The following GGA1 variants were observed in gnomAD, a reference collection of about 807,000 sequenced individuals.
GGA1 encodes the protein ADP-ribosylation factor-binding protein GGA1.
In GGA1, 18 loss-of-function variants were observed where a neutral mutation model predicts 76.9. That is an observed-to-expected ratio of 0.23 (90% CI 0.16 to 0.35). GGA1 has a LOEUF of 0.35. Among genes scored for constraint, GGA1 ranks in the 10% least tolerant of loss-of-function variants. The pLI, the probability that GGA1 is intolerant of heterozygous loss-of-function variation, is 1.00. For missense variants in GGA1, 755 were observed against 859.0 expected, an observed-to-expected ratio of 0.88 and a Z score of 1.51; for synonymous variants, 342 against 354.7, an observed-to-expected ratio of 0.96 and a Z score of 0.40.
At position 37,630,665 on chromosome 22, in the gene GGA1, C is replaced by G. The variant is rs1359974903; in HGVS notation, c.1332-238C>G. On this transcript the variant is annotated intron_variant, in intron 13 of 16. Transcript: ENST00000343632. The stretch of plus-strand genomic sequence containing the variant: ...CACTGCAACCTCCATCTCCCAAACT[C>G]AAGCGATTCTCCTACGTCAGGCTCC... 9.3e-6 allele frequency: 5 copies of G among 537,350 alleles called. No individual in the cohort carries two copies. The Admixed American group carries it at 1.9e-4, about 20-fold the overall frequency. The allele number at this position is 537,350 out of a possible 1,614,324, so 33.3% of individuals were successfully genotyped here. A position where few individuals can be genotyped will look rare whatever the true frequency, so the allele number is the denominator to read the frequency against.
chr22:37,615,135 G>C (rs939123698), intron 2 of GGA1, among the ~76,000 whole-genome samples: 2 of 151,190 alleles, frequency 1.3e-5, no homozygotes, highest in African/African-American at 4.9e-5. Context: ...AACATAGCGA[G>C]ACATCATCTC....
intron 1 of GGA1, 61 bp downstream of exon 1, chr22:37,608,964 C>T: frequency 7.5e-7 from 1 of 1,336,132 alleles, no homozygotes; most frequent in Non-Finnish European, 9.6e-7. Flanking sequence ...CGAGGCGGGC[C>T]CCTTCCCGGC....
At chr22:37,619,007 C>T (rs1929335729) in intron 4 of GGA1, among the ~76,000 whole-genome samples, 1 of 152,200 alleles carries the variant, frequency 6.6e-6, no homozygotes, top group African/African-American at 2.4e-5. Context: ...AGCCTGCTGG[C>T]TCCAGACGGG....
In GGA1 at chr22:37,621,601, C is replaced by T. The variant is rs760046335; in HGVS notation, c.529-15C>T. On this transcript the variant is annotated splice_polypyrimidine_tract_variant and intron_variant, in intron 6 of 16. Coordinates refer to ENST00000343632, the MANE Select transcript of GGA1 (RefSeq NM_013365.5). ...CAGGTGCTGCCCTCACGGTCACACC[C>T]CTCTGTCTCTGCAGATGCTGGCCCG... is the stretch of plus-strand genomic sequence containing the variant. 34 of 1,540,162 alleles carry T rather than the reference C, an allele frequency of 2.2e-5. No individual in the cohort carries two copies. The highest frequency in any genetic ancestry group is 9.8e-5 in the Admixed American group (5 of 50,956).
At position 37,614,203 on chromosome 22, in the gene GGA1, C is replaced by G; in HGVS notation, c.57C>G (p.Asn19Lys). Residue 19 changes from asparagine to lysine, a missense_variant, in exon 2 of 17, where the codon AAC becomes AAG. By Grantham distance (94) the Asn-to-Lys change is moderately conservative. Coordinates refer to ENST00000343632, the MANE Select transcript of GGA1 (RefSeq NM_013365.5). ...TLEARINRAT[N>K]PLNKELDWAS... ...CTCCTCTTCCAGATAGAGCCACGAA[C>G]CCCCTGAACAAGGAGCTCGACTGGG... 2.5e-6 allele frequency: 4 copies of G among 1,612,878 alleles called. No individual in the cohort carries two copies. In the South Asian group the frequency reaches 4.4e-5, roughly 18 times the overall value.
intron 1 of GGA1, among the ~76,000 whole-genome samples, chr22:37,611,516 G>C (rs564913556): frequency 6.6e-6 from 1 of 152,196 alleles, no homozygotes; most frequent in South Asian, 2.1e-4. Flanking sequence ...AGGAGGGCAG[G>C]GATTTTGTCT....
At chr22:37,609,913 T>A (rs569206910) in intron 1 of GGA1, among the ~76,000 whole-genome samples, 8 of 152,326 alleles carry the variant, frequency 5.3e-5, no homozygotes, top group Admixed American at 3.9e-4. Context: ...TAAGCCAGGC[T>A]TGAGCAGAGT....
intron 3 of GGA1, chr22:37,617,365 C>G (rs1232266086): frequency 5.3e-6 from 6 of 1,133,520 alleles, no homozygotes; most frequent in Non-Finnish European, 6.5e-6. Flanking sequence ...CAGAGATCTG[C>G]ACGTTTGTAA....
chr22:37,625,181 G>A lies in GGA1; in HGVS notation c.940+105G>A. 9.4e-7 allele frequency: 1 copy of A among 1,060,764 alleles called. No homozygotes were observed. Among genetic ancestry groups the A allele is most frequent in the Non-Finnish European group, 1.4e-6 (1 of 718,054 alleles). The allele number at this position is 1,060,764 out of a possible 1,614,324, so 65.7% of individuals were successfully genotyped here. ...CAGAGCGGCTGGAATGACTGCCAGG[G>A]TGACCCTGGCCCCTTAAGATGGGGA... On this transcript the variant is annotated intron_variant, in intron 10 of 16. Coordinates refer to ENST00000343632, the MANE Select transcript of GGA1 (RefSeq NM_013365.5). This position sits in a 1 kb window ranked among gnomAD's most constrained non-coding sequence, Gnocchi z 4.1.
At chr22:37,620,408 C>A (rs771565608) in intron 5 of GGA1, 47 bp downstream of exon 5, 39 of 1,606,082 alleles carry the variant, frequency 2.4e-5, no homozygotes, top group Non-Finnish European at 3.2e-5. Context: ...GCCTTCCCCT[C>A]CCCCACCATG....
intron 11 of GGA1, 139 bp downstream of exon 11, chr22:37,626,088 TC>T (rs935571016): frequency 3.6e-6 from 2 of 552,654 alleles, no homozygotes; most frequent in Non-Finnish European, 5.8e-6. Context: ...TAGGCCCACT[TC>T]ACAACTGAGG....
chr22:37,618,906 C>A (rs1043703067), intron 4 of GGA1, among the ~76,000 whole-genome samples: 1 of 152,194 alleles, frequency 6.6e-6, no homozygotes, highest in African/African-American at 2.4e-5. Context: ...CCACAGAACC[C>A]TACCTGGTCT....
Position 37,632,662 on chromosome 22 carries a change from T to A in GGA1, c.1871T>A (p.Met624Lys). The A allele has an allele frequency of 6.2e-7, 1 of 1,613,310 alleles. No homozygotes were observed. The highest frequency in any genetic ancestry group is 8.5e-7 in the Non-Finnish European group (1 of 1,179,500). ...ATGGGTGACCAGACCTACAACGAGA[T>A]GGGGGATGTGGACCAGTTCCCCCCA... The part of the protein sequence containing the change: ...FTMGDQTYNE[M>K]GDVDQFPPPE... Residue 624 changes from methionine to lysine, a missense_variant, in exon 17 of 17, where the codon ATG (methionine) becomes AAG (lysine). By Grantham distance (95) the Met-to-Lys change is moderately conservative. Coordinates refer to ENST00000343632, the MANE Select transcript of GGA1 (RefSeq NM_013365.5). This position sits in a 1 kb window ranked among gnomAD's most constrained non-coding sequence, Gnocchi z 5.1.
In GGA1 at chr22:37,632,056, C is replaced by G. The variant is rs1387896390; in HGVS notation, c.1589C>G (p.Ala530Gly). 1 of 1,613,564 alleles carries G rather than the reference C, an allele frequency of 6.2e-7. No individual in the cohort carries two copies. Among genetic ancestry groups the G allele is most frequent in the Non-Finnish European group, 8.5e-7 (1 of 1,179,964 alleles). ...GGCTTCCGCATCCTCTTCCATTTTG[C>G]CCGGGACCCACTGCCAGGGCGCTCC... ...QHGFRILFHF[A>G]RDPLPGRSDV... The change falls in exon 15 of 17, where the codon GCC becomes GGC. Residue 530 changes from alanine (A) to glycine (G), a missense_variant. By Grantham distance (60) the Ala-to-Gly change is moderately conservative. Coordinates refer to ENST00000343632, the MANE Select transcript of GGA1 (RefSeq NM_013365.5). The surrounding 1 kb of genome is among the most constrained non-coding windows in gnomAD (Gnocchi z 5.1).
At position 37,620,230 on chromosome 22, in the gene GGA1, C is replaced by T; in HGVS notation, c.304-8C>T. ...AGTATCAAAGGCCTCCCCACTGTGT[C>T]CCTGAAGTATCTGGGCTCTCGGACA... On this transcript the variant is annotated splice_region_variant and splice_polypyrimidine_tract_variant and intron_variant, in intron 4 of 16. Transcript: ENST00000343632. 1 of 1,613,922 alleles carries T rather than the reference C, an allele frequency of 6.2e-7. No individual in the cohort carries two copies. The highest frequency in any genetic ancestry group is 8.5e-7 in the Non-Finnish European group (1 of 1,179,882).
rs750517894 is a variant in GGA1 at position 37,629,455 on chromosome 22, C to T, written c.1094-7C>T. Reference sequence around the variant, plus strand: ...GCTCCTTCACCTCTCTCCTGCTTTCCCCTCAGGCCTCAGTGACCCCACACC... The same window carrying T: ...GCTCCTTCACCTCTCTCCTGCTTTCTCCTCAGGCCTCAGTGACCCCACACC... On this transcript the variant is annotated splice_region_variant and splice_polypyrimidine_tract_variant and intron_variant, in intron 11 of 16. Transcript: ENST00000343632. The T allele has an allele frequency of 8.8e-6, 14 of 1,589,236 alleles. No individual in the cohort carries two copies. The South Asian group carries it at 1.5e-4, about 17-fold the overall frequency.
chr22:37,622,251 G>A (rs1176339731), intron 7 of GGA1, among the ~76,000 whole-genome samples: 1 of 150,498 alleles, frequency 6.6e-6, no homozygotes, highest in African/African-American at 2.4e-5. Context: ...TATAGTTTTT[G>A]TATTTTTTTT....
intron 2 of GGA1, among the ~76,000 whole-genome samples, chr22:37,616,025 G>A (rs1054309216): frequency 7.2e-5 from 11 of 152,046 alleles, no homozygotes; most frequent in Non-Finnish European, 1.6e-4. Flanking sequence ...GTATTTTTTA[G>A]TAGAGACAGG....
chr22:37,616,042 C>G (rs954195118), intron 2 of GGA1, among the ~76,000 whole-genome samples: 9 of 152,146 alleles, frequency 5.9e-5, no homozygotes, highest in African/African-American at 1.9e-4. Flanking sequence ...CAGGGTTTCA[C>G]CGTGTTAGCC....
Sources: gnomAD v4.1 joint callset for allele counts (sites outside exome capture counted in the v4.1 genomes callset) on GRCh38, gnomAD v4.1.1 for gene constraint, Gnocchi (gnomAD v3.1) non-coding constraint, MANE v1.5 for transcripts, NCBI Gene and HGNC (gene_info 2026-07-23, HGNC 2026-07-21) for gene names.